Variants in SLC9A2 observed in about 807,000 individuals in gnomAD.
The protein encoded by SLC9A2 is sodium/hydrogen exchanger 2.
A neutral mutation model predicts 71.7 loss-of-function variants in SLC9A2; 42 were observed. The ratio of observed to expected loss-of-function variants is 0.59; its 90% confidence interval spans 0.46 to 0.76. The LOEUF is 0.76. Ranked by LOEUF, SLC9A2 falls within the 30% of genes least tolerant of loss-of-function variation. SLC9A2 has a pLI of 0.00. For missense variants in SLC9A2, 829 were observed against 1,017.4 expected, an observed-to-expected ratio of 0.81 and a Z score of 2.52; for synonymous variants, 396 against 392.5, an observed-to-expected ratio of 1.01 and a Z score of -0.10.
At chr2:102,684,081 T>C in intron 4 of SLC9A2, 53 bp from the exon 5 acceptor site, 1 of 1,314,592 alleles carries the variant, frequency 7.6e-7, no homozygotes, top group Non-Finnish European at 1.1e-6. Context: ...CTATGTATTT[T>C]CATATTTTGG....
Position 102,708,730 on chromosome 2 carries a change from C to T in SLC9A2, c.*241C>T. On this transcript the variant is annotated 3_prime_UTR_variant, in exon 12 of 12. Coordinates refer to ENST00000233969, the MANE Select transcript of SLC9A2 (RefSeq NM_003048.6). ...GGTAGCAATCGTATTATTTGCTGGC[C>T]TGAAGAGAAAAAATGGTAATGTGTG... is the stretch of plus-strand genomic sequence containing the variant. 2 of 435,582 alleles carry T rather than the reference C, an allele frequency of 4.6e-6. No homozygotes were observed. Among genetic ancestry groups the T allele is most frequent in the South Asian group, 1.0e-4 (2 of 19,252 alleles). 27.0% of individuals were successfully genotyped at this position (435,582 alleles called of 1,614,324 possible).
intron 1 of SLC9A2, among the ~76,000 whole-genome samples, chr2:102,641,807 C>T (rs1676587016): frequency 6.9e-6 from 1 of 144,582 alleles, no homozygotes; most frequent in African/African-American, 2.6e-5. Flanking sequence ...GACAGAAAAC[C>T]AAACACTGCA....
At chr2:102,638,285 G>T (rs1240659051) in intron 1 of SLC9A2, among the ~76,000 whole-genome samples, 1 of 152,156 alleles carries the variant, frequency 6.6e-6, no homozygotes, top group Non-Finnish European at 1.5e-5. Flanking sequence ...AGGGACTCAG[G>T]ATCAGTTGGA....
At chr2:102,704,996 G>A (rs1677946735) in intron 10 of SLC9A2, among the ~76,000 whole-genome samples, 1 of 152,104 alleles carries the variant, frequency 6.6e-6, no homozygotes, top group South Asian at 2.1e-4. Context: ...GAGCTCAGGA[G>A]TTCGAGACCA....
intron 1 of SLC9A2, among the ~76,000 whole-genome samples, chr2:102,643,687 G>A (rs1289904824): frequency 6.6e-6 from 1 of 152,078 alleles, no homozygotes; most frequent in African/African-American, 2.4e-5. Context: ...GTATAGAGTG[G>A]AATAAAGAAA....
intron 3 of SLC9A2, among the ~76,000 whole-genome samples, chr2:102,668,113 G>A (rs1490268399): frequency 6.6e-6 from 1 of 151,938 alleles, no homozygotes; most frequent in Non-Finnish European, 1.5e-5. Context: ...AATTGTCATG[G>A]CTTATAGTAT....
intron 3 of SLC9A2, among the ~76,000 whole-genome samples, chr2:102,668,362 G>T (rs989744842): frequency 3.4e-5 from 4 of 116,646 alleles, no homozygotes; most frequent in African/African-American, 1.3e-4. Context: ...TGCATGCCCC[G>T]CCCCTCTCTA....
At chr2:102,690,968 CAAAAAAAAAAA>C (rs57709703) in intron 5 of SLC9A2, among the ~76,000 whole-genome samples, 7 of 131,244 alleles carry the variant, frequency 5.3e-5, no homozygotes, top group East Asian at 2.2e-4. Flanking sequence ...TCATTTTCTT[CAAAAAAAAAAA>C]AAAAAAAAGA....
intron 1 of SLC9A2, among the ~76,000 whole-genome samples, chr2:102,657,167 C>T (rs1676957797): frequency 6.6e-6 from 1 of 151,252 alleles, no homozygotes; most frequent in African/African-American, 2.4e-5. Flanking sequence ...GATTATGCCA[C>T]TGTACTCCAG....
chr2:102,695,786 A>G (rs1239838406), intron 7 of SLC9A2, among the ~76,000 whole-genome samples: 2 of 44,510 alleles, frequency 4.5e-5, no homozygotes, highest in Non-Finnish European at 9.5e-5. Context: ...TATTATATAT[A>G]TATTATATAT....
chr2:102,694,041 C>T (rs1459442264), intron 5 of SLC9A2, among the ~76,000 whole-genome samples: 1 of 152,018 alleles, frequency 6.6e-6, no homozygotes, highest in Admixed American at 6.6e-5. Flanking sequence ...ACTCCTGGCC[C>T]CAAGTGATCT....
rs935210910 is a variant in SLC9A2, at chr2:102,711,100, G to T, written c.*2611G>T. The T allele has an allele frequency of 1.3e-5, 2 of 152,260 alleles. No individual in the cohort carries two copies. Among genetic ancestry groups the T allele is most frequent in the Admixed American group, 1.3e-4 (2 of 15,258 alleles). 9.4% of individuals were successfully genotyped at this position (152,260 alleles called of 1,614,324 possible). On this transcript the variant is annotated 3_prime_UTR_variant, in exon 12 of 12. Transcript: ENST00000233969. ...TCTTTCAGCTTTTGCTCAGCTTTAT[G>T]GTGGGGTGTACTGTTTTATCTGGGC...
chr2:102,691,633 A>G (rs1343059533), intron 5 of SLC9A2, among the ~76,000 whole-genome samples: 4 of 152,260 alleles, frequency 2.6e-5, no homozygotes, highest in Non-Finnish European at 5.9e-5. Context: ...AGGCAATTCA[A>G]AGATAAAAAG....
intron 1 of SLC9A2, 136 bp from the exon 2 acceptor site, chr2:102,657,428 A>C (rs1404921817): frequency 1.8e-5 from 11 of 618,932 alleles, no homozygotes; most frequent in Non-Finnish European, 3.1e-5. Flanking sequence ...TAATCTGGGA[A>C]GCCATTGTAA....
At chr2:102,632,037 TACATACACACACAC>T (rs1676369016) in intron 1 of SLC9A2, among the ~76,000 whole-genome samples, 1 of 60,830 alleles carries the variant, frequency 1.6e-5, no homozygotes, top group Non-Finnish European at 3.2e-5. Flanking sequence ...TATATATATA[TACATACACACACAC>T]ATATATATAC....
At chr2:102,631,900 A>C (rs1573397531) in intron 1 of SLC9A2, among the ~76,000 whole-genome samples, 2 of 149,590 alleles carry the variant, frequency 1.3e-5, no homozygotes, top group Non-Finnish European at 3.0e-5. Flanking sequence ...AAGCAGGAAG[A>C]CCCTGTTGTA....
intron 1 of SLC9A2, among the ~76,000 whole-genome samples, chr2:102,651,590 A>G (rs1028014860): frequency 6.6e-6 from 1 of 152,200 alleles, no homozygotes; most frequent in African/African-American, 2.4e-5. Flanking sequence ...ATCCATCAAG[A>G]GGATTCTCCC....
chr2:102,658,514 A>G (rs976723949), intron 2 of SLC9A2, among the ~76,000 whole-genome samples: 2 of 151,696 alleles, frequency 1.3e-5, no homozygotes, highest in Non-Finnish European at 2.9e-5. Flanking sequence ...GCCATTCTCT[A>G]TCTGGGGATG....
Position 102,708,102 on chromosome 2 carries a change from C to CT in SLC9A2, c.2069-13dup, listed in dbSNP as rs1193459045. 6.3e-7 allele frequency: 1 copy of CT among 1,599,636 alleles called. No homozygotes were observed. Among genetic ancestry groups the CT allele is most frequent in the Non-Finnish European group, 8.5e-7 (1 of 1,173,584 alleles). On this transcript the variant is annotated splice_polypyrimidine_tract_variant and intron_variant, in intron 11 of 11. Transcript: ENST00000233969. ...TCTCTAAAATGCTTGCCCACCTTGT[C>CT]TTTTGCTCCGTGATAGATGGCAATA...
Sources: allele counts gnomAD v4.1 joint callset (sites outside exome capture counted in the v4.1 genomes callset), GRCh38; gene constraint gnomAD v4.1.1; transcripts MANE v1.5; gene names NCBI Gene and HGNC (gene_info 2026-07-23, HGNC 2026-07-21).